FUT9: variants seen among roughly 807,000 people sequenced by gnomAD.
FUT9 encodes fucosyltransferase 9, also known as 4-galactosyl-N-acetylglucosaminide 3-alpha-L-fucosyltransferase 9.
A neutral mutation model predicts 29.7 loss-of-function variants in FUT9; 15 were observed. The ratio of observed to expected loss-of-function variants is 0.51; its 90% confidence interval spans 0.34 to 0.78. The LOEUF is 0.78. Among genes scored for constraint, FUT9 ranks in the 30% least tolerant of loss-of-function variants. The pLI is 0.01. For missense variants in FUT9, 319 were observed against 425.4 expected, an observed-to-expected ratio of 0.75 and a Z score of 2.20; for synonymous variants, 169 against 153.7, an observed-to-expected ratio of 1.10 and a Z score of -0.74.
At chr6:96,071,129 A>C (rs1771051548) in intron 1 of FUT9, among the ~76,000 whole-genome samples, 2 of 152,238 alleles carry the variant, frequency 1.3e-5, no homozygotes. Flanking sequence ...TTTATGAACA[A>C]ATTGAAAGTA....
At chr6:96,168,476 G>A (rs149428934) in intron 2 of FUT9, among the ~76,000 whole-genome samples, 1 of 152,278 alleles carries the variant, frequency 6.6e-6, no homozygotes, top group East Asian at 1.9e-4. Flanking sequence ...AGAGCAGAAA[G>A]TATATGAAGG....
At chr6:96,122,827 A>T (rs1484087687) in intron 2 of FUT9, among the ~76,000 whole-genome samples, 1 of 152,014 alleles carries the variant, frequency 6.6e-6, no homozygotes, top group African/African-American at 2.4e-5. Context: ...CCGGTGGATC[A>T]CGAGGTCAGG....
Position 96,125,079 on chromosome 6 carries a change from T to C in FUT9, c.-9+10952T>C, listed in dbSNP as rs550367615. On this transcript the variant is annotated intron_variant, in intron 2 of 2. Coordinates refer to ENST00000302103, the MANE Select transcript of FUT9 (RefSeq NM_006581.4). The stretch of plus-strand genomic sequence containing the variant: ...AATCTTACATGAGTAATTTAAGCTA[T>C]AGGGGTCTCACCTCCTTTATCTGTA... Among the ~76,000 whole-genome samples the C allele has an allele frequency of 3.9e-5, 6 of 152,316 alleles. No individual in the cohort carries two copies. The East Asian group carries it at 7.7e-4, about 20-fold the overall frequency.
At chr6:96,035,659 T>G in intron 1 of FUT9, among the ~76,000 whole-genome samples, 1 of 139,454 alleles carries the variant, frequency 7.2e-6, no homozygotes, top group Non-Finnish European at 1.5e-5. Context: ...TATACTAATA[T>G]AATATTATAT....
chr6:96,165,584 CCA>C (rs1410732889), intron 2 of FUT9, among the ~76,000 whole-genome samples: 1 of 151,464 alleles, frequency 6.6e-6, no homozygotes, highest in African/African-American at 2.4e-5. Flanking sequence ...ATAGCTAAAG[CCA>C]AACTTGGATT....
At chr6:96,166,451 A>G (rs11156258) in intron 2 of FUT9, among the ~76,000 whole-genome samples, 23,498 of 152,256 alleles carry the variant, frequency 0.15, 2,018 homozygotes, top group Non-Finnish European at 0.18. Context: ...AGTTCCTCAC[A>G]GGAGCCACAA....
rs1771423318 is a variant in FUT9, at chr6:96,092,240, G to A, written c.-97-21799G>A. ...CAGGTAAAATGAATGAATTAGAGCT[G>A]TATAAATCTTTATGGGAATATCCCT... On this transcript the variant is annotated intron_variant, in intron 1 of 2. Coordinates refer to ENST00000302103, the MANE Select transcript of FUT9 (RefSeq NM_006581.4). Among the ~76,000 whole-genome samples, 7 of 152,080 alleles carry A rather than the reference G, an allele frequency of 4.6e-5. No homozygotes were observed. The South Asian group carries it at 1.4e-3, about 31-fold the overall frequency.
intron 2 of FUT9, among the ~76,000 whole-genome samples, chr6:96,183,106 T>C (rs976230564): frequency 1.3e-5 from 2 of 152,164 alleles, no homozygotes; most frequent in Non-Finnish European, 2.9e-5. Flanking sequence ...GTGTTGTCTA[T>C]GATTTCTTTC....
chr6:96,106,396 AT>A (rs1302682105), intron 1 of FUT9, among the ~76,000 whole-genome samples: 4 of 152,092 alleles, frequency 2.6e-5, no homozygotes, highest in African/African-American at 9.7e-5. Context: ...GAAGTATTCA[AT>A]TTTTTTCTTG....
chr6:96,151,864 T>C (rs1208518070), intron 2 of FUT9, among the ~76,000 whole-genome samples: 1 of 152,174 alleles, frequency 6.6e-6, no homozygotes, highest in Non-Finnish European at 1.5e-5. Context: ...AGAGCCTGCT[T>C]CTTACCATAA....
intron 1 of FUT9, among the ~76,000 whole-genome samples, chr6:96,089,647 G>A (rs1771377715): frequency 6.6e-6 from 1 of 152,156 alleles, no homozygotes; most frequent in Non-Finnish European, 1.5e-5. Flanking sequence ...AAGATGGGGA[G>A]CTGAACTAAG....
intron 1 of FUT9, among the ~76,000 whole-genome samples, chr6:96,020,042 A>G (rs1368197099): frequency 6.6e-6 from 1 of 152,174 alleles, no homozygotes; most frequent in East Asian, 1.9e-4. Flanking sequence ...TTCAAGGACC[A>G]TCTCAATGCC....
intron 2 of FUT9, among the ~76,000 whole-genome samples, chr6:96,119,136 G>T (rs1771971749): frequency 6.6e-6 from 1 of 152,154 alleles, no homozygotes; most frequent in Non-Finnish European, 1.5e-5. Flanking sequence ...GTCTACCGTA[G>T]TGTACAGTAA....
chr6:96,121,605 T>C (rs942624651), intron 2 of FUT9, among the ~76,000 whole-genome samples: 3 of 152,200 alleles, frequency 2.0e-5, no homozygotes, highest in African/African-American at 2.4e-5. Flanking sequence ...ATTATCGCTC[T>C]ATAGGTTTTT....
chr6:96,081,026 C>A (rs1771227951), intron 1 of FUT9, among the ~76,000 whole-genome samples: 2 of 151,866 alleles, frequency 1.3e-5, no homozygotes, highest in South Asian at 4.1e-4. Context: ...AGCAATAACA[C>A]CAAAAATTGT....
At chr6:96,140,580 G>A (rs1040702663) in intron 2 of FUT9, among the ~76,000 whole-genome samples, 1 of 152,180 alleles carries the variant, frequency 6.6e-6, no homozygotes, top group African/African-American at 2.4e-5. Context: ...TTGACTTACA[G>A]TTCCACATGG....
chr6:96,082,869 T>C (rs773329452), intron 1 of FUT9, among the ~76,000 whole-genome samples: 2 of 152,030 alleles, frequency 1.3e-5, no homozygotes, highest in Non-Finnish European at 2.9e-5. Context: ...CTTTGTGCAT[T>C]GGGTTTACCT....
intron 1 of FUT9, among the ~76,000 whole-genome samples, chr6:96,079,961 A>C (rs945124941): frequency 3.3e-5 from 5 of 152,062 alleles, no homozygotes; most frequent in African/African-American, 1.2e-4. Context: ...CTCACCAAAA[A>C]TATTGTCTTT....
chr6:96,075,090 T>C (rs777958778), intron 1 of FUT9, among the ~76,000 whole-genome samples: 29 of 152,122 alleles, frequency 1.9e-4, no homozygotes, highest in Non-Finnish European at 3.2e-4. Context: ...GGCCTGATTT[T>C]AGTTTTTAGG....
Sources: allele counts gnomAD v4.1 joint callset (sites outside exome capture counted in the v4.1 genomes callset), GRCh38; gene constraint gnomAD v4.1.1; transcripts MANE v1.5; gene names NCBI Gene and HGNC (gene_info 2026-07-23, HGNC 2026-07-21).